ATP10D: variants seen among roughly 807,000 people sequenced by gnomAD.
The protein encoded by ATP10D is phospholipid-transporting ATPase VD.
In ATP10D, 89 loss-of-function variants were observed where a neutral mutation model predicts 144.8. The observed-to-expected ratio is 0.61, with a 90% CI of 0.52 to 0.73. The LOEUF (loss-of-function observed/expected upper bound fraction) is 0.73, where lower values mean the gene tolerates loss of function less well. Among genes scored for constraint, ATP10D ranks in the 30% least tolerant of loss-of-function variants. The pLI, the probability that ATP10D is intolerant of heterozygous loss-of-function variation, is 0.00. For synonymous variants in ATP10D, 571 were observed against 615.1 expected, an observed-to-expected ratio of 0.93 and a Z score of 1.06; for missense variants, 1,603 against 1,714.8, an observed-to-expected ratio of 0.93 and a Z score of 1.15.
chr4:47,551,998 A>T (rs1718755052), intron 10 of ATP10D, among the ~76,000 whole-genome samples: 1 of 152,326 alleles, frequency 6.6e-6, no homozygotes, highest in South Asian at 2.1e-4. Flanking sequence ...GCTTCTTTGT[A>T]TGTAGACCTT....
intron 22 of ATP10D, among the ~76,000 whole-genome samples, chr4:47,590,829 A>T (rs1371690114): frequency 6.6e-6 from 1 of 152,046 alleles, no homozygotes; most frequent in Non-Finnish European, 1.5e-5. Context: ...CTTATATGGC[A>T]ATTACTATTT....
chr4:47,587,572 A>G lies in ATP10D; in HGVS notation c.3941+366A>G, dbSNP rs558946780. The stretch of plus-strand genomic sequence containing the variant: ...ATTTCGTGCTGCCACAGTGGAATTT[A>G]TAAACAGAAATTTATTGGCTCACAG... On this transcript the variant is annotated intron_variant, in intron 22 of 22. Transcript: ENST00000273859. Among the ~76,000 whole-genome samples the G allele has an allele frequency of 8.9e-5, 13 of 145,460 alleles. No individual in the cohort carries two copies. The South Asian group carries it at 2.7e-3, about 30-fold the overall frequency.
chr4:47,511,432 G>C (rs1177502055), intron 1 of ATP10D, among the ~76,000 whole-genome samples: 2 of 152,156 alleles, frequency 1.3e-5, no homozygotes, highest in Non-Finnish European at 2.9e-5. Flanking sequence ...CCCATCAAAA[G>C]TGATTGTCTG....
chr4:47,572,262 G>A, intron 17 of ATP10D, 32 bp downstream of exon 17: 1 of 1,570,624 alleles, frequency 6.4e-7, no homozygotes. Flanking sequence ...AAGTTCTGTG[G>A]CCTTGACCTG....
chr4:47,493,775 C>T (rs1034253263), intron 1 of ATP10D, among the ~76,000 whole-genome samples: 2 of 152,170 alleles, frequency 1.3e-5, no homozygotes, highest in Non-Finnish European at 1.5e-5. Context: ...ATCAGAGAAA[C>T]TGGTGTGATT....
At chr4:47,540,660 C>A (rs891229911) in intron 9 of ATP10D, among the ~76,000 whole-genome samples, 13 of 152,158 alleles carry the variant, frequency 8.5e-5, no homozygotes, top group African/African-American at 2.9e-4. Context: ...TTGCATTAGT[C>A]ATATGATATA....
At chr4:47,572,080 C>A in intron 16 of ATP10D, 74 bp from the exon 17 acceptor site, 3 of 1,300,766 alleles carry the variant, frequency 2.3e-6, no homozygotes, top group African/African-American at 2.9e-5. Context: ...TTGAGCTGCC[C>A]CTATTGATTT....
Position 47,563,771 on chromosome 4 carries a change from T to C in ATP10D, c.2853+6T>C, listed in dbSNP as rs1349972606. 1 of 1,576,376 alleles carries C rather than the reference T, an allele frequency of 6.3e-7. No homozygotes were observed. On this transcript the variant is annotated splice_donor_region_variant and intron_variant, in intron 15 of 22. Coordinates refer to ENST00000273859, the MANE Select transcript of ATP10D (RefSeq NM_020453.4). ...TCCTCAATACCCAAAGTAAAGTGCG[T>C]ATATTGAGATTAAATCTGTTCTTCT...
In ATP10D at chr4:47,576,921, C is replaced by T; in HGVS notation, c.3515C>T (p.Ala1172Val). 2 of 1,614,168 alleles carry T rather than the reference C, an allele frequency of 1.2e-6. No individual in the cohort carries two copies. The highest frequency in any genetic ancestry group is 1.7e-6 in the Non-Finnish European group (2 of 1,180,026). Residue 1172 changes from alanine to valine, a missense_variant, in exon 19 of 23, where the codon GCA becomes GTA. Coordinates refer to ENST00000273859, the MANE Select transcript of ATP10D (RefSeq NM_020453.4). ...GGTGTTTTGGAGAAAGATGTGTCTG[C>T]AGAGACCCTCATGCAACTGCCTGAA... is the stretch of plus-strand genomic sequence containing the variant. ...IYGVLEKDVSAETLMQLPELY... is the reference protein window; with the variant it reads ...IYGVLEKDVSVETLMQLPELY...
intron 9 of ATP10D, among the ~76,000 whole-genome samples, chr4:47,544,427 G>T (rs976634352): frequency 2.6e-5 from 4 of 152,152 alleles, no homozygotes. Flanking sequence ...TCAAGCAAAG[G>T]CATAGATGAA....
Position 47,591,130 on chromosome 4 carries a change from A to C in ATP10D, c.4030A>C (p.Thr1344Pro), listed in dbSNP as rs1015537193. 1 of 1,613,496 alleles carries C rather than the reference A, an allele frequency of 6.2e-7. No homozygotes were observed. The highest frequency in any genetic ancestry group is 1.3e-5 in the African/African-American group (1 of 74,998). Residue 1344 changes from threonine to proline, a missense_variant, in exon 23 of 23, where the codon ACT becomes CCT. Transcript: ENST00000273859. ...TGACAGACTAACTCCAGAGGAGAGG[A>C]CTAAAGCTCTCAAGAAGTGGAGAGG... is the stretch of plus-strand genomic sequence containing the variant. The part of the protein sequence containing the change: ...HFDRLTPEER[T>P]KALKKWRGAG...
chr4:47,502,662 TAC>T (rs572529235), intron 1 of ATP10D, among the ~76,000 whole-genome samples: 384 of 148,420 alleles, frequency 2.6e-3, no homozygotes, highest in African/African-American at 9.0e-3. Context: ...TATGTAATAT[TAC>T]ACATATAAAT....
chr4:47,513,337 GGAAGT>G (rs1716463448), intron 2 of ATP10D, among the ~76,000 whole-genome samples: 1 of 152,202 alleles, frequency 6.6e-6, no homozygotes, highest in Non-Finnish European at 1.5e-5. Flanking sequence ...TGAAGGAAAT[GGAAGT>G]GTGAGTGCCA....
chr4:47,488,169 G>A (rs6447555), intron 1 of ATP10D, among the ~76,000 whole-genome samples: 149,771 of 152,292 alleles, frequency 0.98, 73,698 homozygotes, highest in East Asian at 1. Context: ...TGTAGTTTAT[G>A]TATCTATATT....
chr4:47,554,840 A>G lies in ATP10D; in HGVS notation c.1750A>G (p.Ile584Val), dbSNP rs142365853. 11 of 1,614,018 alleles carry G rather than the reference A, an allele frequency of 6.8e-6. No individual in the cohort carries two copies. Among genetic ancestry groups the G allele is most frequent in the Admixed American group, 3.3e-5 (2 of 59,996 alleles). Residue 584 changes from isoleucine (I) to valine (V), a missense_variant, in exon 11 of 23, where the codon ATT becomes GTT. Coordinates refer to ENST00000273859, the MANE Select transcript of ATP10D (RefSeq NM_020453.4). ...AAATCCACCAATGGAAACTTTGTAC[A>G]TTATCGACTTTTTCATTGCATTGGC... Reference protein sequence around the residue: ...IQNPPMETLYIIDFFIALAIC... With the variant: ...IQNPPMETLYVIDFFIALAIC...
At chr4:47,498,326 G>C (rs1261357193) in intron 1 of ATP10D, among the ~76,000 whole-genome samples, 2 of 152,164 alleles carry the variant, frequency 1.3e-5, no homozygotes, top group South Asian at 2.1e-4. Flanking sequence ...GTGTATTGCT[G>C]CATATTTAAC....
intron 3 of ATP10D, among the ~76,000 whole-genome samples, chr4:47,521,412 T>C (rs571421804): frequency 2.0e-5 from 3 of 152,338 alleles, no homozygotes; most frequent in South Asian, 4.1e-4. Flanking sequence ...TTGTTTCCGG[T>C]ACCTAATATG....
chr4:47,554,958 A>C, intron 11 of ATP10D, 44 bp downstream of exon 11: 1 of 1,556,122 alleles, frequency 6.4e-7, no homozygotes, highest in Non-Finnish European at 8.8e-7. Context: ...TTTCCAGAAG[A>C]GAATTTTGGG....
chr4:47,526,514 G>A (rs530547959), intron 5 of ATP10D, among the ~76,000 whole-genome samples: 1 of 152,132 alleles, frequency 6.6e-6, no homozygotes, highest in Non-Finnish European at 1.5e-5. Context: ...GCTTACACTG[G>A]AAGGTCTAGC....
Sources: gnomAD v4.1 joint callset for allele counts (sites outside exome capture counted in the v4.1 genomes callset) on GRCh38, gnomAD v4.1.1 for gene constraint, MANE v1.5 for transcripts, NCBI Gene and HGNC (gene_info 2026-07-23, HGNC 2026-07-21) for gene names.